OXR1: variants seen among roughly 807,000 people sequenced by gnomAD.
OXR1 encodes the protein oxidation resistance protein 1.
In OXR1, 41 loss-of-function variants were observed where a neutral mutation model predicts 104.6. That is an observed-to-expected ratio of 0.39 (90% CI 0.31 to 0.51). OXR1 has a LOEUF of 0.51. Ranked by LOEUF, OXR1 falls within the 20% of genes least tolerant of loss-of-function variation. OXR1 has a pLI of 0.77. For missense variants in OXR1, 955 were observed against 1,031.9 expected, an observed-to-expected ratio of 0.93 and a Z score of 1.02; for synonymous variants, 348 against 348.4, an observed-to-expected ratio of 1.00 and a Z score of 0.01.
rs186479044 is a variant in OXR1 at position 106,683,332 on chromosome 8, A to G, written c.411+26A>G. 592 of 1,065,236 alleles carry G rather than the reference A, an allele frequency of 5.6e-4. 2 individuals carry two copies. The African/African-American group carries it at 7.8e-3, about 14-fold the overall frequency. The allele number at this position is 1,065,236 out of a possible 1,614,324, so 66.0% of individuals were successfully genotyped here. On this transcript the variant is annotated intron_variant, in intron 5 of 16. Transcript: ENST00000517566. ...GTAGTATCTTTTTTTTAATGTGCTG[A>G]TGTTTAGAAACATTAAACAGAAAGG...
At chr8:106,458,750 G>A (rs567074742) in intron 2 of OXR1, among the ~76,000 whole-genome samples, 1 of 152,200 alleles carries the variant, frequency 6.6e-6, no homozygotes, top group South Asian at 2.1e-4. Flanking sequence ...GTATGCCCAG[G>A]TTAATTCTGG....
intron 3 of OXR1, among the ~76,000 whole-genome samples, chr8:106,564,785 G>A (rs1418413689): frequency 2.6e-5 from 4 of 152,122 alleles, no homozygotes; most frequent in Admixed American, 6.5e-5. Context: ...TATCCACCAC[G>A]ATCAAGTTGG....
At chr8:106,530,016 G>A (rs979749673) in intron 3 of OXR1, among the ~76,000 whole-genome samples, 4 of 152,114 alleles carry the variant, frequency 2.6e-5, no homozygotes, top group African/African-American at 7.2e-5. Context: ...CTGCTAACAC[G>A]TCTATGAACA....
chr8:106,535,527 G>A (rs1814446854), intron 3 of OXR1, among the ~76,000 whole-genome samples: 1 of 152,066 alleles, frequency 6.6e-6, no homozygotes, highest in South Asian at 2.1e-4. Context: ...TAAACACAAA[G>A]CCCCAAGGAG....
In OXR1 at chr8:106,350,817, C is replaced by T. The variant is rs567846290; in HGVS notation, c.-138-8659C>T. On this transcript the variant is annotated intron_variant, in intron 1 of 16. Transcript: ENST00000517566. ...TCTGTGTTCTGTTAGAAATTTTGTG[C>T]AACGATTGGGGAAATAGAATGTCAG... Among the ~76,000 whole-genome samples the T allele has an allele frequency of 4.5e-4, 69 of 152,178 alleles. 1 individual carries two copies. The highest frequency in any genetic ancestry group is 1.6e-3 in the African/African-American group (66 of 41,544).
At position 106,293,304 on chromosome 8, in the gene OXR1, C is replaced by A. The variant is rs574438591; in HGVS notation, c.-139+22937C>A. ...ACATTGATTTACATTCTAGCACAGT[C>A]CCTTATCTTGTCGTAGACTGGAAGG... On this transcript the variant is annotated intron_variant, in intron 1 of 16. Transcript: ENST00000517566. Among the ~76,000 whole-genome samples, 5 of 152,286 alleles carry A rather than the reference C, an allele frequency of 3.3e-5. No individual in the cohort carries two copies. The South Asian group carries it at 1.0e-3, about 32-fold the overall frequency.
At chr8:106,578,987 C>CTTTTTTTT (rs71307073) in intron 3 of OXR1, among the ~76,000 whole-genome samples, 1 of 137,910 alleles carries the variant, frequency 7.3e-6, no homozygotes, top group African/African-American at 2.7e-5. Context: ...CTTTTTCTTT[C>CTTTTTTTT]TTTTTTTTTT....
At chr8:106,559,692 G>A (rs1347349022) in intron 3 of OXR1, among the ~76,000 whole-genome samples, 1 of 152,188 alleles carries the variant, frequency 6.6e-6, no homozygotes, top group Non-Finnish European at 1.5e-5. Context: ...CATAGATGGT[G>A]TGGGTCCTTT....
chr8:106,749,822 G>A (rs1835724362), intron 16 of OXR1, among the ~76,000 whole-genome samples: 2 of 152,108 alleles, frequency 1.3e-5, no homozygotes, highest in South Asian at 4.1e-4. Flanking sequence ...AGAATAGAAA[G>A]AAGTCCTCTC....
rs1184581053 is a variant in OXR1, at chr8:106,742,260, T to C, written c.2355T>C (p.Ser785=). The change falls in exon 15 of 17, where the codon AGT becomes AGC. Residue 785 remains serine, a synonymous_variant. Transcript: ENST00000517566. Reference sequence around the variant, plus strand: ...TAGCATCTGAGCCACTGAAAGTGAGTGATGGCTTTTATGGTACTGGAGAGA... The same window carrying C: ...TAGCATCTGAGCCACTGAAAGTGAGCGATGGCTTTTATGGTACTGGAGAGA... ...GALASEPLKV[S]DGFYGTGETF... 5.0e-6 allele frequency: 8 copies of C among 1,612,014 alleles called. No individual in the cohort carries two copies. Among genetic ancestry groups the C allele is most frequent in the Non-Finnish European group, 6.8e-6 (8 of 1,178,302 alleles).
At position 106,270,332 on chromosome 8, in the gene OXR1, C is replaced by G. The variant is rs1002752154; in HGVS notation, c.-174C>G. ...GCGCACTCGCCGCCGCGGGGCCCGC[C>G]GCCGCTCACCGCAGCCCCCTCCTGG... On this transcript the variant is annotated 5_prime_UTR_variant, in exon 1 of 17. Coordinates refer to ENST00000517566, the MANE Select transcript of OXR1 (RefSeq NM_001198533.2). 6.6e-6 allele frequency: 1 copy of G among 152,582 alleles called. No individual in the cohort carries two copies. The highest frequency in any genetic ancestry group is 6.6e-5 in the Admixed American group (1 of 15,258). 9.5% of individuals were successfully genotyped at this position (152,582 alleles called of 1,614,324 possible). A position where few individuals can be genotyped will look rare whatever the true frequency, so the allele number is the denominator to read the frequency against.
At chr8:106,726,165 T>G in intron 11 of OXR1, 1 of 1,473,938 alleles carries the variant, frequency 6.8e-7, no homozygotes, top group Non-Finnish European at 8.9e-7. Flanking sequence ...TGCTGGAAAT[T>G]TATCTTTGAC....
chr8:106,729,052 A>G (rs965878544), intron 11 of OXR1, among the ~76,000 whole-genome samples: 1 of 152,202 alleles, frequency 6.6e-6, no homozygotes, highest in Non-Finnish European at 1.5e-5. Flanking sequence ...AAATCTTTCC[A>G]GTGACTTCAG....
chr8:106,374,086 A>G (rs1300553330), intron 2 of OXR1, among the ~76,000 whole-genome samples: 2 of 152,204 alleles, frequency 1.3e-5, no homozygotes, highest in Non-Finnish European at 2.9e-5. Flanking sequence ...CAGCTTAAAC[A>G]TTACATAATT....
intron 3 of OXR1, among the ~76,000 whole-genome samples, chr8:106,618,864 A>T (rs542931207): frequency 6.8e-6 from 1 of 147,398 alleles, no homozygotes; most frequent in African/African-American, 2.5e-5. Flanking sequence ...AAATAGGAGG[A>T]TTTTTTTTTT....
chr8:106,601,249 G>A (rs1470466015), intron 3 of OXR1, among the ~76,000 whole-genome samples: 2 of 152,234 alleles, frequency 1.3e-5, no homozygotes, highest in Non-Finnish European at 2.9e-5. Flanking sequence ...GACAAGTCTG[G>A]TGTAGGATGG....
chr8:106,483,073 A>G (rs1361284572), intron 2 of OXR1, among the ~76,000 whole-genome samples: 1 of 151,992 alleles, frequency 6.6e-6, no homozygotes, highest in African/African-American at 2.4e-5. Flanking sequence ...TGCTCTAACC[A>G]TTAGGGGAAA....
intron 1 of OXR1, among the ~76,000 whole-genome samples, chr8:106,317,830 A>C (rs1244304423): frequency 6.6e-6 from 1 of 151,704 alleles, no homozygotes; most frequent in East Asian, 1.9e-4. Context: ...GAGAGTTTGT[A>C]TTGTTCTTCT....
chr8:106,496,361 A>T (rs1811410120), intron 2 of OXR1, among the ~76,000 whole-genome samples: 1 of 152,222 alleles, frequency 6.6e-6, no homozygotes, highest in Non-Finnish European at 1.5e-5. Context: ...CACTAAGCTA[A>T]ATTATACTTT....
Sources: allele counts gnomAD v4.1 joint callset (sites outside exome capture counted in the v4.1 genomes callset), GRCh38; gene constraint gnomAD v4.1.1; transcripts MANE v1.5; gene names NCBI Gene and HGNC (gene_info 2026-07-23, HGNC 2026-07-21).